Variants in HHAT observed in about 807,000 individuals in gnomAD.
HHAT encodes the protein hedgehog acyltransferase.
HHAT carries 47 observed loss-of-function variants against 70.8 expected under a neutral mutation model. That is an observed-to-expected ratio of 0.66 (90% CI 0.53 to 0.85). The LOEUF (loss-of-function observed/expected upper bound fraction) is 0.85, where lower values mean the gene tolerates loss of function less well. Among genes scored for constraint, HHAT ranks in the 40% least tolerant of loss-of-function variants. HHAT has a pLI of 0.00. For missense variants in HHAT, 609 were observed against 604.8 expected, an observed-to-expected ratio of 1.01 and a Z score of -0.07; for synonymous variants, 228 against 247.6, an observed-to-expected ratio of 0.92 and a Z score of 0.74.
At chr1:210,653,959 G>A (rs1291068775) in intron 11 of HHAT, among the ~76,000 whole-genome samples, 1 of 152,184 alleles carries the variant, frequency 6.6e-6, no homozygotes, top group Non-Finnish European at 1.5e-5. Context: ...GTGGAATAGT[G>A]TGACGGGAAT....
At chr1:210,494,891 A>G (rs1281650078) in intron 8 of HHAT, among the ~76,000 whole-genome samples, 1 of 152,100 alleles carries the variant, frequency 6.6e-6, no homozygotes, top group Non-Finnish European at 1.5e-5. Flanking sequence ...TTATTTAAAA[A>G]GTAAGGAGAT....
At chr1:210,512,333 AC>A (rs905649864) in intron 8 of HHAT, among the ~76,000 whole-genome samples, 1 of 142,462 alleles carries the variant, frequency 7.0e-6, no homozygotes, top group Non-Finnish European at 1.5e-5. Context: ...TCCCTGCCCC[AC>A]CCCCCCTCAC....
intron 9 of HHAT, among the ~76,000 whole-genome samples, chr1:210,521,681 C>G (rs1000701420): frequency 6.6e-6 from 1 of 152,126 alleles, no homozygotes; most frequent in Non-Finnish European, 1.5e-5. Flanking sequence ...TCTGCCTTGC[C>G]TCTTTAAGAA....
At chr1:210,504,845 G>C (rs368635601) in intron 8 of HHAT, among the ~76,000 whole-genome samples, 1 of 151,760 alleles carries the variant, frequency 6.6e-6, no homozygotes, top group Admixed American at 6.6e-5. Context: ...GCTAGTCTAA[G>C]TGTCTAAGTT....
At chr1:210,482,036 A>T (rs1431174706) in intron 8 of HHAT, among the ~76,000 whole-genome samples, 31 of 152,218 alleles carry the variant, frequency 2.0e-4, no homozygotes, top group African/African-American at 7.5e-4. Flanking sequence ...TTTGTAAGCG[A>T]TAGTTCATTC....
chr1:210,601,018 A>G (rs76053131), intron 10 of HHAT, among the ~76,000 whole-genome samples: 1,849 of 152,134 alleles, frequency 0.012, 41 homozygotes, highest in African/African-American at 0.042. Context: ...TTATACACTT[A>G]ATTGAGGAAA....
chr1:210,470,737 G>A (rs1405463311), intron 8 of HHAT, among the ~76,000 whole-genome samples: 4 of 152,180 alleles, frequency 2.6e-5, no homozygotes, highest in African/African-American at 7.2e-5. Context: ...GACATTTTCA[G>A]ATGGAAGATG....
At chr1:210,463,931 T>C in intron 7 of HHAT, among the ~76,000 whole-genome samples, 1 of 152,170 alleles carries the variant, frequency 6.6e-6, no homozygotes, top group East Asian at 1.9e-4. Context: ...ATGAGGTGTG[T>C]GAGATACAGC....
intron 10 of HHAT, among the ~76,000 whole-genome samples, chr1:210,622,795 G>C (rs74158944): frequency 0.027 from 4,110 of 152,234 alleles, 184 homozygotes; most frequent in African/African-American, 0.094. Context: ...TGGCTTCCCA[G>C]GGTCAGTGTA....
At chr1:210,650,442 AGT>A (rs1330295569) in intron 11 of HHAT, among the ~76,000 whole-genome samples, 1 of 152,076 alleles carries the variant, frequency 6.6e-6, no homozygotes, top group Non-Finnish European at 1.5e-5. Flanking sequence ...AATCCTAGAG[AGT>A]GTGCTGAAAT....
At chr1:210,416,251 G>T (rs548755933) in intron 6 of HHAT, among the ~76,000 whole-genome samples, 1 of 152,202 alleles carries the variant, frequency 6.6e-6, no homozygotes, top group African/African-American at 2.4e-5. Flanking sequence ...TGATGGAGGA[G>T]AGAGAAGCTA....
chr1:210,467,378 G>T (rs879464000), intron 8 of HHAT, among the ~76,000 whole-genome samples: 1 of 152,200 alleles, frequency 6.6e-6, no homozygotes, highest in Non-Finnish European at 1.5e-5. Flanking sequence ...CATGTTTCAT[G>T]TTCAGTATCT....
At chr1:210,374,175 T>A (rs944544043) in intron 3 of HHAT, 2 of 152,326 alleles carry the variant, frequency 1.3e-5, no homozygotes, top group African/African-American at 2.4e-5. Context: ...GGGCAAGGCT[T>A]ACAAAAAATT....
chr1:210,633,371 C>T (rs74158953), intron 11 of HHAT, among the ~76,000 whole-genome samples: 10 of 152,108 alleles, frequency 6.6e-5, no homozygotes, highest in Non-Finnish European at 1.2e-4. Flanking sequence ...AATGCCCGGT[C>T]GCAGCAATGT....
chr1:210,637,944 A>T (rs540569693), intron 11 of HHAT, among the ~76,000 whole-genome samples: 16 of 152,340 alleles, frequency 1.1e-4, no homozygotes, highest in African/African-American at 3.8e-4. Flanking sequence ...ACATGAAAAG[A>T]CATTCAGCAT....
chr1:210,489,804 AGAG>A (rs1157818507), intron 8 of HHAT, among the ~76,000 whole-genome samples: 1 of 152,214 alleles, frequency 6.6e-6, no homozygotes, highest in Admixed American at 6.5e-5. Context: ...CTTTAGTGAA[AGAG>A]GAGCTCAGGA....
chr1:210,601,970 A>AGAGAGAGAGAGAGTATGT (rs1553294014), intron 10 of HHAT, among the ~76,000 whole-genome samples: 1 of 149,366 alleles, frequency 6.7e-6, no homozygotes, highest in Admixed American at 6.7e-5. Context: ...TGTGTGTGAG[A>AGAGAGAGAGAGAGTATGT]GTGTGTGTGT....
intron 10 of HHAT, chr1:210,589,770 C>CA (rs1230693593): frequency 6.6e-6 from 1 of 152,226 alleles, no homozygotes; most frequent in Non-Finnish European, 1.5e-5. Context: ...GCATCAAGCA[C>CA]ACTTACTCAC....
rs2088871837 is a variant in HHAT at position 210,365,631 on chromosome 1, G to GT, written c.159+2714dup. 2.1e-5 allele frequency among the ~76,000 whole-genome samples: 3 copies of GT among 143,370 alleles called. No homozygotes were observed. The South Asian group carries it at 6.7e-4, about 32-fold the overall frequency. 94.1% of individuals were successfully genotyped at this position (143,370 alleles called of 152,430 possible). A position where few individuals can be genotyped will look rare whatever the true frequency, so the allele number is the denominator to read the frequency against. On this transcript the variant is annotated intron_variant, in intron 3 of 11. Coordinates refer to ENST00000261458, the MANE Select transcript of HHAT (RefSeq NM_018194.6). ...CCATGCCTGGCTGACATTTTATTTT[G>GT]TTGAGATAGGGTCTCGCTCTGTAAC...
Sources: allele counts gnomAD v4.1 joint callset (sites outside exome capture counted in the v4.1 genomes callset), GRCh38; gene constraint gnomAD v4.1.1; transcripts MANE v1.5; gene names NCBI Gene and HGNC (gene_info 2026-07-23, HGNC 2026-07-21).